Variants in ZNF569 observed in about 807,000 individuals in gnomAD.
ZNF569 encodes the protein DNA-binding protein.
A neutral mutation model predicts 56.3 loss-of-function variants in ZNF569; 38 were observed. The ratio of observed to expected loss-of-function variants is 0.68; its 90% CI spans 0.52 to 0.88. The LOEUF (loss-of-function observed/expected upper bound fraction) is 0.88. Among genes scored for constraint, ZNF569 ranks in the 40% least tolerant of loss-of-function variants. The pLI, the probability that ZNF569 is intolerant of heterozygous loss-of-function variation, is 0.00. For synonymous variants in ZNF569, 241 were observed against 262.9 expected, an observed-to-expected ratio of 0.92 and a Z score of 0.81; for missense variants, 666 against 809.2, an observed-to-expected ratio of 0.82 and a Z score of 2.15.
chr19:37,426,218 C>T (rs1424052249), intron 4 of ZNF569, 34 bp downstream of exon 4: 1 of 1,574,232 alleles, frequency 6.4e-7, no homozygotes, highest in Non-Finnish European at 8.6e-7. Context: ...TACTTTCTTT[C>T]CAGAGTTTGA....
rs1392559754 is a variant in ZNF569 at position 37,413,616 on chromosome 19, G to A, written c.1042C>T (p.His348Tyr). 6.2e-7 allele frequency: 1 copy of A among 1,613,902 alleles called. No individual in the cohort carries two copies. The highest frequency in any genetic ancestry group is 8.5e-7 in the Non-Finnish European group (1 of 1,179,922). The stretch of plus-strand genomic sequence containing the variant: ...CATTTATAAGGTTTTTCTCCTGTAT[G>A]ACTTCTCATATGAAGAGCAAGGGAT... ...IASLALHMRS[H>Y]TGEKPYKCDK... is the part of the protein sequence containing the mutation. The change falls in exon 6 of 6, where the codon CAT becomes TAT. Residue 348 changes from histidine to tyrosine, a missense_variant. His to Tyr is a moderately conservative substitution (Grantham distance 83). Coordinates refer to ENST00000316950, the MANE Select transcript of ZNF569 (RefSeq NM_152484.3).
intron 2 of ZNF569, among the ~76,000 whole-genome samples, chr19:37,451,772 T>C (rs1195403950): frequency 6.6e-6 from 1 of 152,192 alleles, no homozygotes; most frequent in Non-Finnish European, 1.5e-5. Flanking sequence ...TTGGTTACCA[T>C]TTGCATGGAT....
upstream of ZNF569, chr19:37,467,992 C>T: frequency 1.3e-6 from 2 of 1,490,586 alleles, no homozygotes; most frequent in Non-Finnish European, 9.0e-7. Flanking sequence ...TGTGGCCAGA[C>T]CGCCTGACTT....
At position 37,413,284 on chromosome 19, in the gene ZNF569, T is replaced by C. The variant is rs368974470; in HGVS notation, c.1374A>G (p.Arg458=). ...TATAGGGTTTTTCCCCAGTATGAATTCTCTGGTGTCTAACAAGATTTGACA... is the reference window on the plus strand; with the variant it reads ...TATAGGGTTTTTCCCCAGTATGAATCCTCTGGTGTCTAACAAGATTTGACA... The part of the protein sequence containing the change: ...IQMSNLVRHQ[R]IHTGEKPYIC... The change falls in exon 6 of 6, where the codon AGA becomes AGG. Residue 458 remains arginine (R), a synonymous_variant. Transcript: ENST00000316950. The C allele has an allele frequency of 1.2e-6, 2 of 1,610,574 alleles. No homozygotes were observed. Among genetic ancestry groups the C allele is most frequent in the African/African-American group, 1.3e-5 (1 of 74,604 alleles).
chr19:37,462,667 G>A (rs915530463), intron 2 of ZNF569, among the ~76,000 whole-genome samples: 5 of 151,986 alleles, frequency 3.3e-5, no homozygotes, highest in Admixed American at 6.6e-5. Context: ...TTCCTTCAAC[G>A]TTTCAAGCTA....
At chr19:37,451,092 G>A (rs2146955298) in intron 2 of ZNF569, among the ~76,000 whole-genome samples, 1 of 152,264 alleles carries the variant, frequency 6.6e-6, no homozygotes, top group South Asian at 2.1e-4. Context: ...GTATTCTACA[G>A]CTGTTGGGTA....
In ZNF569 at chr19:37,413,393, T is replaced by A; in HGVS notation, c.1265A>T (p.Lys422Met). The A allele has an allele frequency of 1.2e-6, 2 of 1,611,864 alleles. No individual in the cohort carries two copies. The highest frequency in any genetic ancestry group is 2.2e-5 in the South Asian group (2 of 90,628). Residue 422 changes from lysine (K) to methionine (M), a missense_variant, in exon 6 of 6, where the codon AAG becomes ATG. Lys to Met is a moderately conservative substitution (Grantham distance 95). Coordinates refer to ENST00000316950, the MANE Select transcript of ZNF569 (RefSeq NM_152484.3). ...CKECRKAFSH[K>M]KNFITHQKIH... ...TTTCTGGTGTGTAATGAAGTTTTTCTTGTGGCTGAAGGCTTTTCTGCATTC... is the reference window on the plus strand; with the variant it reads ...TTTCTGGTGTGTAATGAAGTTTTTCATGTGGCTGAAGGCTTTTCTGCATTC...
intron 2 of ZNF569, among the ~76,000 whole-genome samples, chr19:37,458,015 C>T (rs991857981): frequency 2.0e-5 from 3 of 152,068 alleles, no homozygotes; most frequent in Non-Finnish European, 2.9e-5. Context: ...GGACCACAGG[C>T]ATGCACAACC....
chr19:37,465,215 A>C (rs2041811814), intron 2 of ZNF569, 98 bp downstream of exon 2: 1 of 152,158 alleles, frequency 6.6e-6, no homozygotes, highest in Non-Finnish European at 1.5e-5. Flanking sequence ...GCCCATCTAA[A>C]ACTCAGACTC....
chr19:37,425,023 G>A (rs1038213216), intron 5 of ZNF569, among the ~76,000 whole-genome samples: 1 of 151,712 alleles, frequency 6.6e-6, no homozygotes, highest in African/African-American at 2.4e-5. Flanking sequence ...GGAGGCTGAG[G>A]CAGGAAAATC....
At chr19:37,421,460 T>C (rs1010317214) in intron 5 of ZNF569, among the ~76,000 whole-genome samples, 2 of 152,200 alleles carry the variant, frequency 1.3e-5, no homozygotes, top group East Asian at 1.9e-4. Context: ...CCATCGGCTC[T>C]TACTGCTTTA....
rs949120444 is a variant in ZNF569 at position 37,411,217 on chromosome 19, C to T, written c.*1380G>A. The T allele has an allele frequency of 6.6e-6, 1 of 152,156 alleles. No individual in the cohort carries two copies. Among genetic ancestry groups the T allele is most frequent in the Non-Finnish European group, 1.5e-5 (1 of 68,004 alleles). The allele number at this position is 152,156 out of a possible 1,614,324, so 9.4% of individuals were successfully genotyped here. On this transcript the variant is annotated 3_prime_UTR_variant, in exon 6 of 6. Coordinates refer to ENST00000316950, the MANE Select transcript of ZNF569 (RefSeq NM_152484.3). ...ATAAATATAACAACTCCCACCAAACCTTTCCCACATCCCAAAAGGCAACCA... is the reference window on the plus strand; with the variant it reads ...ATAAATATAACAACTCCCACCAAACTTTTCCCACATCCCAAAAGGCAACCA...
chr19:37,427,785 T>G (rs753596172), intron 3 of ZNF569: 1 of 516,688 alleles, frequency 1.9e-6, no homozygotes, highest in South Asian at 1.4e-5. Context: ...TTTTTAATAT[T>G]TCCCCTCATC....
intron 3 of ZNF569, among the ~76,000 whole-genome samples, chr19:37,444,035 G>A (rs2041452628): frequency 6.6e-6 from 1 of 151,798 alleles, no homozygotes; most frequent in Admixed American, 6.6e-5. Context: ...AAATAAATAA[G>A]TAAATAAATA....
intron 3 of ZNF569, among the ~76,000 whole-genome samples, chr19:37,444,510 T>C (rs1483224350): frequency 2.0e-5 from 3 of 152,178 alleles, no homozygotes; most frequent in Non-Finnish European, 4.4e-5. Flanking sequence ...GTTTTATCCT[T>C]GATCGAAAGA....
chr19:37,445,770 A>G (rs1268563145), intron 2 of ZNF569, among the ~76,000 whole-genome samples: 1 of 152,234 alleles, frequency 6.6e-6, no homozygotes, highest in Non-Finnish European at 1.5e-5. Flanking sequence ...AAGGAAAACT[A>G]CAAAACATTG....
intron 2 of ZNF569, among the ~76,000 whole-genome samples, chr19:37,456,502 TGTTA>T (rs1293649077): frequency 6.6e-6 from 1 of 152,180 alleles, no homozygotes; most frequent in Non-Finnish European, 1.5e-5. Context: ...CTCCCACTTA[TGTTA>T]GTTAAACATT....
chr19:37,455,867 C>T (rs2041663059), intron 2 of ZNF569, among the ~76,000 whole-genome samples: 2 of 152,186 alleles, frequency 1.3e-5, no homozygotes, highest in Admixed American at 6.5e-5. Flanking sequence ...GCTGGAAGAA[C>T]AGCATTAAAC....
chr19:37,450,425 C>T (rs1316327946), intron 2 of ZNF569, among the ~76,000 whole-genome samples: 1 of 152,012 alleles, frequency 6.6e-6, no homozygotes, highest in Non-Finnish European at 1.5e-5. Flanking sequence ...CTAGGTTATC[C>T]AGTTTGTTGA....
Sources: gnomAD v4.1 joint callset for allele counts (sites outside exome capture counted in the v4.1 genomes callset) on GRCh38, gnomAD v4.1.1 for gene constraint, MANE v1.5 for transcripts, NCBI Gene and HGNC (gene_info 2026-07-23, HGNC 2026-07-21) for gene names.